The following PPARGC1A variants were observed in gnomAD, a reference collection of about 807,000 sequenced individuals.
PPARGC1A encodes the protein PPARG coactivator 1 alpha.
In PPARGC1A, 25 loss-of-function variants were observed where a neutral mutation model predicts 88.7. The ratio of observed to expected loss-of-function variants is 0.28; its 90% confidence interval spans 0.21 to 0.39. The LOEUF is 0.39. PPARGC1A is among the 10% of genes least tolerant of loss of function. The pLI is 1.00. For synonymous variants in PPARGC1A, 363 were observed against 355.6 expected (o/e 1.02, Z -0.24); for missense variants, 880 against 968.7 (o/e 0.91, Z 1.22).
intron 2 of PPARGC1A, among the ~76,000 whole-genome samples, chr4:23,854,633 A>AG (rs1204135788): frequency 1.3e-5 from 2 of 152,146 alleles, no homozygotes; most frequent in Non-Finnish European, 2.9e-5. Flanking sequence ...CACAAATATG[A>AG]GTTTTTATAC....
the PPARGC1A span, among the ~76,000 whole-genome samples, chr4:23,928,826 A>T: frequency 6.6e-6 from 1 of 151,600 alleles, no homozygotes; most frequent in African/African-American, 2.4e-5. Context: ...GGGGACATGG[A>T]TGGAGCTGGA....
the PPARGC1A span, among the ~76,000 whole-genome samples, chr4:24,093,593 T>G: frequency 6.6e-6 from 1 of 152,166 alleles, no homozygotes; most frequent in Non-Finnish European, 1.5e-5. Context: ...GAGACTAGTC[T>G]CAATGGAAGC....
At chr4:24,217,064 C>A in the PPARGC1A span, among the ~76,000 whole-genome samples, 1 of 152,162 alleles carries the variant, frequency 6.6e-6, no homozygotes, top group Non-Finnish European at 1.5e-5. Flanking sequence ...GGAATGACGG[C>A]AATGTGTGAA....
the PPARGC1A span, among the ~76,000 whole-genome samples, chr4:24,424,117 T>C: frequency 6.6e-6 from 1 of 152,144 alleles, no homozygotes; most frequent in Non-Finnish European, 1.5e-5. Flanking sequence ...AAAAATGTTT[T>C]GTAGAGTACG....
chr4:24,315,758 C>G, the PPARGC1A span, among the ~76,000 whole-genome samples: 1 of 152,258 alleles, frequency 6.6e-6, no homozygotes, highest in African/African-American at 2.4e-5. Context: ...GACACCCTCC[C>G]ACAACAAGGA....
At chr4:24,067,138 T>C in the PPARGC1A span, among the ~76,000 whole-genome samples, 1 of 152,192 alleles carries the variant, frequency 6.6e-6, no homozygotes, top group African/African-American at 2.4e-5. Flanking sequence ...TTACTTTCCA[T>C]GATTAATAAA....
chr4:24,230,721 G>C, the PPARGC1A span, among the ~76,000 whole-genome samples: 30 of 152,184 alleles, frequency 2.0e-4, no homozygotes, highest in Non-Finnish European at 3.4e-4. Flanking sequence ...AGATCTAGAA[G>C]TGGAAGACAG....
At chr4:24,183,525 G>C in the PPARGC1A span, among the ~76,000 whole-genome samples, 1 of 152,234 alleles carries the variant, frequency 6.6e-6, no homozygotes, top group Non-Finnish European at 1.5e-5. Flanking sequence ...GTCTAGAAAA[G>C]AGCTTTGTGA....
chr4:23,978,957 A>C, the PPARGC1A span, among the ~76,000 whole-genome samples: 1 of 152,236 alleles, frequency 6.6e-6, no homozygotes, highest in Non-Finnish European at 1.5e-5. Context: ...CCATATATGC[A>C]ACATAGAAAC....
chr4:24,201,636 T>C, the PPARGC1A span, among the ~76,000 whole-genome samples: 1 of 152,374 alleles, frequency 6.6e-6, no homozygotes, highest in East Asian at 1.9e-4. Context: ...GTTCATCTTT[T>C]AGATTATATA....
the PPARGC1A span, among the ~76,000 whole-genome samples, chr4:23,940,552 G>GA: frequency 6.6e-6 from 1 of 152,072 alleles, no homozygotes; most frequent in Non-Finnish European, 1.5e-5. Flanking sequence ...AAACAAAAAA[G>GA]AAAAATCTCA....
At chr4:24,442,839 A>G in the PPARGC1A span, among the ~76,000 whole-genome samples, 1 of 152,208 alleles carries the variant, frequency 6.6e-6, no homozygotes, top group South Asian at 2.1e-4. Context: ...ACGAGCCTGT[A>G]TTTCCAATTA....
intron 2 of PPARGC1A, among the ~76,000 whole-genome samples, chr4:23,839,781 C>T (rs1404451476): frequency 2.8e-5 from 4 of 142,860 alleles, no homozygotes; most frequent in South Asian, 4.7e-4. Context: ...TCACATCTTA[C>T]GTGGATGGTG....
the PPARGC1A span, among the ~76,000 whole-genome samples, chr4:24,121,273 G>A: frequency 2.0e-5 from 3 of 152,172 alleles, no homozygotes; most frequent in South Asian, 6.2e-4. Context: ...CCAGCTATTG[G>A]AATGAAGACT....
chr4:23,865,245 A>C (rs1436171883), intron 2 of PPARGC1A, among the ~76,000 whole-genome samples: 1 of 152,182 alleles, frequency 6.6e-6, no homozygotes, highest in Non-Finnish European at 1.5e-5. Context: ...TCAGTCAAGC[A>C]AATATATCCT....
chr4:24,047,900 A>C, the PPARGC1A span, among the ~76,000 whole-genome samples: 10 of 152,160 alleles, frequency 6.6e-5, no homozygotes, highest in Non-Finnish European at 1.5e-4. Context: ...TAACATAAAC[A>C]CTTAAAATGT....
the PPARGC1A span, among the ~76,000 whole-genome samples, chr4:24,165,188 A>T: frequency 3.1e-4 from 47 of 152,290 alleles, no homozygotes; most frequent in African/African-American, 9.9e-4. Flanking sequence ...TCCAAAAATT[A>T]AAAAATTTTA....
chr4:24,077,003 C>CT, the PPARGC1A span, among the ~76,000 whole-genome samples: 3 of 151,840 alleles, frequency 2.0e-5, no homozygotes, highest in Non-Finnish European at 4.4e-5. Context: ...TATTTCCCTC[C>CT]TTTTTTTGGC....
chr4:24,115,948 G>A, the PPARGC1A span, among the ~76,000 whole-genome samples: 1 of 152,124 alleles, frequency 6.6e-6, no homozygotes, highest in Non-Finnish European at 1.5e-5. Context: ...GCGTTATGGT[G>A]AGGATAATGG....
Sources: allele counts gnomAD v4.1 joint callset (sites outside exome capture counted in the v4.1 genomes callset), GRCh38; gene constraint gnomAD v4.1.1; transcripts MANE v1.5; gene names NCBI Gene and HGNC (gene_info 2026-07-23, HGNC 2026-07-21).